Variants in COL11A2 observed in about 807,000 individuals in gnomAD.
COL11A2 encodes collagen alpha-2(XI) chain.
A neutral mutation model predicts 273.4 loss-of-function variants in COL11A2; 116 were observed. The ratio of observed to expected loss-of-function variants is 0.42; its 90% CI spans 0.36 to 0.49. The LOEUF is 0.49. COL11A2 is among the 20% of genes least tolerant of loss of function. The pLI is 0.00. For synonymous variants in COL11A2, 782 were observed against 864.2 expected, an observed-to-expected ratio of 0.90 and a Z score of 1.67; for missense variants, 1,866 against 2,309.0, an observed-to-expected ratio of 0.81 and a Z score of 3.93.
chr6:33,171,614 C>A (rs1370741954), intron 42 of COL11A2, 40 bp from the exon 43 acceptor site: 2 of 1,604,300 alleles, frequency 1.2e-6, no homozygotes, highest in Non-Finnish European at 8.5e-7. Context: ...TGGAGGTGAC[C>A]CTCACCCTCA....
Position 33,171,270 on chromosome 6 carries a change from C to T in COL11A2, c.3312+1G>A. The T allele has an allele frequency of 6.2e-7, 1 of 1,614,222 alleles. No homozygotes were observed. The highest frequency in any genetic ancestry group is 8.5e-7 in the Non-Finnish European group (1 of 1,180,040). On this transcript the variant is annotated splice_donor_variant, in intron 44 of 65. Transcript: ENST00000341947. LOFTEE classifies it high-confidence loss of function. The stretch of plus-strand genomic sequence containing the variant: ...CAGAAGTCAAGGTCATGGACACTTA[C>T]ATGTTCACCCTTGTTCCCTTTGGTG...
intron 7 of COL11A2, 133 bp from the exon 8 acceptor site, chr6:33,184,457 C>A: frequency 1.8e-6 from 1 of 564,916 alleles, no homozygotes; most frequent in Non-Finnish European, 2.7e-6. Context: ...TTTTTTCTCC[C>A]AAGAATAGCC....
chr6:33,179,710 C>G lies in COL11A2; in HGVS notation c.1446+9G>C, dbSNP rs1377209278. On this transcript the variant is annotated intron_variant, in intron 13 of 65. Transcript: ENST00000341947. The surrounding 1 kb of genome is among the most constrained non-coding windows in gnomAD (Gnocchi z 6.4). ...AGCCTTCCCTTTCCAGGGAAGCAGCCCCACTCACCCTCGCCTGCTGCAGGA... is the reference window on the plus strand; with the variant it reads ...AGCCTTCCCTTTCCAGGGAAGCAGCGCCACTCACCCTCGCCTGCTGCAGGA... 1 of 1,611,472 alleles carries G rather than the reference C, an allele frequency of 6.2e-7. No homozygotes were observed. Among genetic ancestry groups the G allele is most frequent in the South Asian group, 1.1e-5 (1 of 91,082 alleles).
rs373207628 is a variant in COL11A2 at position 33,190,217 on chromosome 6, C to A, written c.83-748G>T. On this transcript the variant is annotated intron_variant, in intron 1 of 65. Transcript: ENST00000341947. This position sits in a 1 kb window ranked among gnomAD's most constrained non-coding sequence, Gnocchi z 4.5. ...TGGGGAGGGGTGGAGGAATGGGGGG[C>A]AGGGGCTGAAGCTGCCACGAGGAGC... Among the ~76,000 whole-genome samples, 2 of 151,876 alleles carry A rather than the reference C, an allele frequency of 1.3e-5. No homozygotes were observed. The highest frequency in any genetic ancestry group is 3.9e-4 in the East Asian group (2 of 5,166).
chr6:33,171,175 AGAG>A lies in COL11A2; in HGVS notation c.3313-11_3313-9del. 1 of 1,610,110 alleles carries A rather than the reference AGAG, an allele frequency of 6.2e-7. No homozygotes were observed. The highest frequency in any genetic ancestry group is 1.1e-5 in the South Asian group (1 of 90,672). On this transcript the variant is annotated splice_polypyrimidine_tract_variant and intron_variant, in intron 44 of 65. Transcript: ENST00000341947. ...AGGGGGTCCAGGAGGGCCCTGGGTA[AGAG>A]AAGAGAGTCAGAGACACCAAAACAG...
At chr6:33,182,710 CAA>C (rs1216685922) in intron 8 of COL11A2, among the ~76,000 whole-genome samples, 4 of 120,356 alleles carry the variant, frequency 3.3e-5, no homozygotes, top group Admixed American at 9.1e-5. Context: ...GACCCTGCCT[CAA>C]AAAAAAAAAA....
rs150065075 is a variant in COL11A2, at chr6:33,173,397, G to C, written c.2687C>G (p.Pro896Arg). The change falls in exon 37 of 66, where the codon CCC becomes CGC. Residue 896 changes from proline (P) to arginine (R), a missense_variant. By Grantham distance (103) the Pro-to-Arg change is moderately radical. Coordinates refer to ENST00000341947, the MANE Select transcript of COL11A2 (RefSeq NM_080680.3). This position sits in a 1 kb window ranked among gnomAD's most constrained non-coding sequence, Gnocchi z 6.3. ...TCCCGGCAGCCCATCCTTCCCAGGGGGGCCCTGGAAGGGGTTCAGTTGTCA... is the reference window on the plus strand; with the variant it reads ...TCCCGGCAGCCCATCCTTCCCAGGGCGGCCCTGGAAGGGGTTCAGTTGTCA... ...GFPGPKGPPG[P>R]PGKDGLPGHP... 1 of 1,613,122 alleles carries C rather than the reference G, an allele frequency of 6.2e-7. No homozygotes were observed. The highest frequency in any genetic ancestry group is 8.5e-7 in the Non-Finnish European group (1 of 1,179,956).
In COL11A2 at chr6:33,174,405, G is replaced by A; in HGVS notation, c.2430+122C>T. 4 of 1,402,852 alleles carry A rather than the reference G, an allele frequency of 2.9e-6. No individual in the cohort carries two copies. In the South Asian group the frequency reaches 3.7e-5, roughly 13 times the overall value. The allele number at this position is 1,402,852 out of a possible 1,614,324, so 86.9% of individuals were successfully genotyped here. A position where few individuals can be genotyped will look rare whatever the true frequency, so the allele number is the denominator to read the frequency against. ...TCTTTCGGTCATCTGTAAAATGGGG[G>A]TCAGCTAAATTCCCTCTGGGGTCCC... On this transcript the variant is annotated intron_variant, in intron 31 of 65. Transcript: ENST00000341947.
rs375177338 is a variant in COL11A2, at chr6:33,186,094, CTCCCT to C, written c.799-321_799-317del. On this transcript the variant is annotated intron_variant, in intron 5 of 65. Transcript: ENST00000341947. ...CTCTCCAGACCCCATCCAACCCAGG[CTCCCT>C]TCCCTTCCCTTCCCTTCCCTTCCCC... 1.8e-3 allele frequency among the ~76,000 whole-genome samples: 275 copies of C among 151,794 alleles called. 6 individuals carry two copies. In the South Asian group the frequency reaches 0.033, roughly 18 times the overall value.
intron 1 of COL11A2, among the ~76,000 whole-genome samples, chr6:33,191,172 C>T (rs1445449096): frequency 6.6e-6 from 1 of 152,250 alleles, no homozygotes; most frequent in African/African-American, 2.4e-5. Context: ...CTAGAGTCTA[C>T]AGGCACCATA....
In COL11A2 at chr6:33,166,319, G is replaced by A; in HGVS notation, c.4393-113C>T. ...GGAGCCTCGGGTTACTACAGGAGGGGCAGTCTTGTGGGAATACTAGGACAT... is the reference window on the plus strand; with the variant it reads ...GGAGCCTCGGGTTACTACAGGAGGGACAGTCTTGTGGGAATACTAGGACAT... On this transcript the variant is annotated intron_variant, in intron 60 of 65. Transcript: ENST00000341947. This position sits in a 1 kb window ranked among gnomAD's most constrained non-coding sequence, Gnocchi z 4.8. The A allele has an allele frequency of 7.2e-7, 1 of 1,379,838 alleles. No homozygotes were observed. The highest frequency in any genetic ancestry group is 9.9e-7 in the Non-Finnish European group (1 of 1,009,284). 85.5% of individuals were successfully genotyped at this position (1,379,838 alleles called of 1,614,324 possible).
chr6:33,173,768 G>C lies in COL11A2; in HGVS notation c.2584-23C>G. The C allele has an allele frequency of 6.2e-7, 1 of 1,604,734 alleles. No individual in the cohort carries two copies. Among genetic ancestry groups the C allele is most frequent in the Non-Finnish European group, 8.5e-7 (1 of 1,173,546 alleles). ...TCCCTGTGGGGGGAAACAGAGTCAAGGAGTGGGAAGAGCTGCTTTCCAGCT... is the reference window on the plus strand; with the variant it reads ...TCCCTGTGGGGGGAAACAGAGTCAACGAGTGGGAAGAGCTGCTTTCCAGCT... On this transcript the variant is annotated intron_variant, in intron 34 of 65. Transcript: ENST00000341947. This position sits in a 1 kb window ranked among gnomAD's most constrained non-coding sequence, Gnocchi z 6.3.
At position 33,173,642 on chromosome 6, in the gene COL11A2, C is replaced by A; in HGVS notation, c.2628+59G>T. ...CTTCCTTCCTGGGGTGAGGAGGGAG[C>A]TGGCTCACCCAGGCTCCCTGGGGAC... On this transcript the variant is annotated intron_variant, in intron 35 of 65. Transcript: ENST00000341947. This position sits in a 1 kb window ranked among gnomAD's most constrained non-coding sequence, Gnocchi z 6.3. The A allele has an allele frequency of 6.6e-7, 1 of 1,512,916 alleles. No individual in the cohort carries two copies. Among genetic ancestry groups the A allele is most frequent in the Non-Finnish European group, 9.1e-7 (1 of 1,099,390 alleles). 93.7% of individuals were successfully genotyped at this position (1,512,916 alleles called of 1,614,324 possible).
At chr6:33,184,897 G>A in intron 7 of COL11A2, 95 bp downstream of exon 7, 2 of 1,030,878 alleles carry the variant, frequency 1.9e-6, no homozygotes, top group Non-Finnish European at 3.0e-6. Context: ...TCCGGCCAGA[G>A]GAGGGGCTGG....
chr6:33,167,675 A>G lies in COL11A2; in HGVS notation c.4014+124T>C. On this transcript the variant is annotated intron_variant, in intron 55 of 65. Transcript: ENST00000341947. This position sits in a 1 kb window ranked among gnomAD's most constrained non-coding sequence, Gnocchi z 6.1. ...CCTAGCGCAGGAACAAGTACAGGGAACGCCTGTCCCCATAAGGGCCCAACA... is the reference window on the plus strand; with the variant it reads ...CCTAGCGCAGGAACAAGTACAGGGAGCGCCTGTCCCCATAAGGGCCCAACA... 1 of 1,458,550 alleles carries G rather than the reference A, an allele frequency of 6.9e-7. No homozygotes were observed. The highest frequency in any genetic ancestry group is 9.5e-7 in the Non-Finnish European group (1 of 1,053,350). 90.4% of individuals were successfully genotyped at this position (1,458,550 alleles called of 1,614,324 possible). A position where few individuals can be genotyped will look rare whatever the true frequency, so the allele number is the denominator to read the frequency against.
rs769335678 is a variant in COL11A2 at position 33,170,246 on chromosome 6, T to C, written c.3582+80A>G. On this transcript the variant is annotated intron_variant, in intron 48 of 65. Coordinates refer to ENST00000341947, the MANE Select transcript of COL11A2 (RefSeq NM_080680.3). This position sits in a 1 kb window ranked among gnomAD's most constrained non-coding sequence, Gnocchi z 4.3. ...GGGCTTCTCTTGGCCCCTGAGACGA[T>C]ACTAGAGTTTATGGTCTGGGAAAGG... 2 of 1,575,924 alleles carry C rather than the reference T, an allele frequency of 1.3e-6. No homozygotes were observed. The highest frequency in any genetic ancestry group is 1.7e-4 in the Middle Eastern group (1 of 6,036).
rs759335887 is a variant in COL11A2, at chr6:33,177,379, A to C, written c.1971+33T>G. On this transcript the variant is annotated intron_variant, in intron 23 of 65. Transcript: ENST00000341947. This position sits in a 1 kb window ranked among gnomAD's most constrained non-coding sequence, Gnocchi z 5.9. ...TTGTGGAAGCCCAAGGGAAGTCATG[A>C]AAATTGGGGAACGGAGTAGGGGCAC... 1.2e-6 allele frequency: 2 copies of C among 1,612,354 alleles called. No individual in the cohort carries two copies. The highest frequency in any genetic ancestry group is 2.2e-5 in the South Asian group (2 of 91,068).
Position 33,165,282 on chromosome 6 carries a change from T to C in COL11A2, c.4750+267A>G, listed in dbSNP as rs1189043988. Reference sequence around the variant, plus strand: ...GCAGGCGCTCACACAGATTCATCTGTTCAGGTGCAAACAGGTGTGTGCACG... The same window carrying C: ...GCAGGCGCTCACACAGATTCATCTGCTCAGGTGCAAACAGGTGTGTGCACG... On this transcript the variant is annotated intron_variant, in intron 63 of 65. Transcript: ENST00000341947. This position sits in a 1 kb window ranked among gnomAD's most constrained non-coding sequence, Gnocchi z 7.7. 6.6e-6 allele frequency among the ~76,000 whole-genome samples: 1 copy of C among 152,128 alleles called. No homozygotes were observed. The highest frequency in any genetic ancestry group is 1.5e-5 in the Non-Finnish European group (1 of 68,010).
At position 33,180,275 on chromosome 6, in the gene COL11A2, T is replaced by C. The variant is rs567205883; in HGVS notation, c.1342A>G (p.Thr448Ala). 6.2e-7 allele frequency: 1 copy of C among 1,612,980 alleles called. No homozygotes were observed. The highest frequency in any genetic ancestry group is 8.5e-7 in the Non-Finnish European group (1 of 1,180,018). Residue 448 changes from threonine to alanine, a missense_variant, in exon 12 of 66, where the codon ACA becomes GCA. Transcript: ENST00000341947. ...CAACTCACTGGGAGCATGAGAGATG[T>C]GCCAGGAGGACCAGGAGCCCCATCT... ...GSDGAPGPPGTSLMLPFRFGS... is the reference protein window; with the variant it reads ...GSDGAPGPPGASLMLPFRFGS...
Sources: allele counts gnomAD v4.1 joint callset (sites outside exome capture counted in the v4.1 genomes callset), GRCh38; gene constraint gnomAD v4.1.1; non-coding constraint Gnocchi (gnomAD v3.1); transcripts MANE v1.5; gene names NCBI Gene and HGNC (gene_info 2026-07-23, HGNC 2026-07-21).